ATP2C2: variants seen among roughly 807,000 people sequenced by gnomAD.
ATP2C2 encodes calcium-transporting ATPase type 2C member 2.
Under a neutral mutation model 110.8 loss-of-function variants are expected in ATP2C2, and 171 were observed. That is an observed-to-expected ratio of 1.54 (90% CI 1.36 to 1.75). The LOEUF (loss-of-function observed/expected upper bound fraction) is 1.75, where lower values mean the gene tolerates loss of function less well. Among genes scored for constraint, ATP2C2 ranks in the 40% most tolerant of loss-of-function variants. The pLI, the probability that ATP2C2 is intolerant of heterozygous loss-of-function variation, is 0.00. For synonymous variants in ATP2C2, 804 were observed against 508.4 expected, an observed-to-expected ratio of 1.58 and a Z score of -7.82; for missense variants, 1,963 against 1,235.0, an observed-to-expected ratio of 1.59 and a Z score of -8.84.
chr16:84,446,883 G>GT (rs915247809), intron 16 of ATP2C2, among the ~76,000 whole-genome samples: 2 of 152,110 alleles, frequency 1.3e-5, no homozygotes, highest in African/African-American at 4.8e-5. Flanking sequence ...CCTGTGCTAA[G>GT]TTTTTTATAC....
chr16:84,415,830 A>G (rs1906786874), intron 7 of ATP2C2, among the ~76,000 whole-genome samples: 1 of 152,144 alleles, frequency 6.6e-6, no homozygotes, highest in African/African-American at 2.4e-5. Flanking sequence ...TGGCTATACG[A>G]TTTTCCAGTT....
chr16:84,439,561 A>G (rs776585746), intron 13 of ATP2C2, 37 bp downstream of exon 13: 2 of 1,583,494 alleles, frequency 1.3e-6, no homozygotes, highest in South Asian at 1.1e-5. Flanking sequence ...TTAAGGATGC[A>G]CCCAGCCAGG....
At chr16:84,455,077 G>GGA (rs560430134) in intron 21 of ATP2C2, 93 bp downstream of exon 21, 2 of 1,493,156 alleles carry the variant, frequency 1.3e-6, no homozygotes, top group Non-Finnish European at 1.8e-6. Flanking sequence ...TAGAGGGGGG[G>GGA]GTCTCGCGGA....
At chr16:84,444,565 T>G (rs576933565) in intron 15 of ATP2C2, among the ~76,000 whole-genome samples, 2 of 152,314 alleles carry the variant, frequency 1.3e-5, no homozygotes, top group East Asian at 3.9e-4. Context: ...TGAATGGAGC[T>G]CATTTCCCGT....
chr16:84,436,077 T>A (rs1411428635), intron 11 of ATP2C2, among the ~76,000 whole-genome samples: 2 of 150,524 alleles, frequency 1.3e-5, no homozygotes, highest in Non-Finnish European at 3.0e-5. Context: ...TGCAGTGAGC[T>A]GAGACTGCAC....
At chr16:84,396,133 C>T (rs1444174200) in intron 1 of ATP2C2, among the ~76,000 whole-genome samples, 2 of 152,084 alleles carry the variant, frequency 1.3e-5, no homozygotes, top group Admixed American at 6.6e-5. Context: ...CATGTTGTAG[C>T]ATGTGTGGGT....
chr16:84,392,413 CTGCACT>C (rs1325074625), intron 1 of ATP2C2, among the ~76,000 whole-genome samples: 2 of 152,142 alleles, frequency 1.3e-5, no homozygotes, highest in African/African-American at 4.8e-5. Context: ...AGGTCCCAGC[CTGCACT>C]TGGCTGGGGT....
chr16:84,437,625 C>T lies in ATP2C2; in HGVS notation c.987-1541C>T, dbSNP rs552656606. On this transcript the variant is annotated intron_variant, in intron 11 of 26. Coordinates refer to ENST00000262429, the MANE Select transcript of ATP2C2 (RefSeq NM_014861.4). ...CCGCCTCTCAGGTTCAAGCAATTCT[C>T]CTGCCTCAGCCTCCTGAGTACCTGG... Among the ~76,000 whole-genome samples the T allele has an allele frequency of 3.3e-5, 5 of 152,152 alleles. No homozygotes were observed. The South Asian group carries it at 1.0e-3, about 32-fold the overall frequency.
At position 84,412,728 on chromosome 16, in the gene ATP2C2, C is replaced by G. The variant is rs971190575; in HGVS notation, c.515+1963C>G. Among the ~76,000 whole-genome samples, 7 of 152,114 alleles carry G rather than the reference C, an allele frequency of 4.6e-5. 1 individual carries two copies. Among genetic ancestry groups the G allele is most frequent in the African/African-American group, 1.7e-4 (7 of 41,412 alleles). On this transcript the variant is annotated intron_variant, in intron 6 of 26. Transcript: ENST00000262429. Reference sequence around the variant, plus strand: ...GGCCAAAGTCTTCTCCCCACCCCTGCTAACATTGGTTGAGGTCCTGTCAGG... The same window carrying G: ...GGCCAAAGTCTTCTCCCCACCCCTGGTAACATTGGTTGAGGTCCTGTCAGG...
intron 1 of ATP2C2, among the ~76,000 whole-genome samples, chr16:84,369,264 C>T (rs1178305033): frequency 1.3e-5 from 2 of 152,188 alleles, no homozygotes; most frequent in East Asian, 1.9e-4. Context: ...CAGGGACCCT[C>T]TGGGATAAAG....
chr16:84,425,739 C>T lies in ATP2C2; in HGVS notation c.924C>T (p.Leu308=), dbSNP rs754686410. ...LTLFSFGIIG[L]IMLIGWSQGK... Reference sequence around the variant, plus strand: ...ATGTTTTTGTCTCTTCCCCAGGTCTCATCATGCTCATTGGCTGGTCGCAAG... The same window carrying T: ...ATGTTTTTGTCTCTTCCCCAGGTCTTATCATGCTCATTGGCTGGTCGCAAG... Residue 308 remains leucine, a synonymous_variant, in exon 11 of 27, where the codon CTC becomes CTT. Coordinates refer to ENST00000262429, the MANE Select transcript of ATP2C2 (RefSeq NM_014861.4). 1 of 1,614,108 alleles carries T rather than the reference C, an allele frequency of 6.2e-7. No homozygotes were observed. Among genetic ancestry groups the T allele is most frequent in the South Asian group, 1.1e-5 (1 of 91,084 alleles).
chr16:84,396,060 C>G (rs772907358), intron 1 of ATP2C2, among the ~76,000 whole-genome samples: 2 of 152,058 alleles, frequency 1.3e-5, no homozygotes, highest in Non-Finnish European at 2.9e-5. Context: ...AACTGGAGTC[C>G]TATAGGATTT....
intron 18 of ATP2C2, among the ~76,000 whole-genome samples, chr16:84,452,766 T>G (rs372978130): frequency 1.3e-5 from 2 of 152,122 alleles, no homozygotes; most frequent in Non-Finnish European, 2.9e-5. Context: ...CACAAAGTGC[T>G]GGGATTACAG....
intron 1 of ATP2C2, among the ~76,000 whole-genome samples, chr16:84,387,017 T>C (rs550695440): frequency 3.9e-5 from 6 of 152,316 alleles, no homozygotes; most frequent in African/African-American, 1.4e-4. Flanking sequence ...TAAGCTTGAT[T>C]GTCGCCACTC....
chr16:84,442,056 T>C (rs571019326), intron 14 of ATP2C2, among the ~76,000 whole-genome samples: 1 of 152,108 alleles, frequency 6.6e-6, no homozygotes, highest in South Asian at 2.1e-4. Flanking sequence ...GGAATCCCAC[T>C]CTTTTTGCTT....
intron 20 of ATP2C2, among the ~76,000 whole-genome samples, chr16:84,453,625 C>T (rs1044857436): frequency 6.6e-6 from 1 of 152,112 alleles, no homozygotes; most frequent in Admixed American, 6.5e-5. Flanking sequence ...GCGCTGACAG[C>T]CCCTTGGCCA....
At chr16:84,376,375 G>A (rs1246096199) in intron 1 of ATP2C2, among the ~76,000 whole-genome samples, 1 of 152,208 alleles carries the variant, frequency 6.6e-6, no homozygotes, top group East Asian at 1.9e-4. Context: ...GTGTCCTGGT[G>A]AGTTCCACTT....
chr16:84,409,274 G>A (rs1420844137), intron 4 of ATP2C2, among the ~76,000 whole-genome samples: 1 of 152,156 alleles, frequency 6.6e-6, no homozygotes, highest in African/African-American at 2.4e-5. Context: ...ACAGGGTGGG[G>A]AACATCACAC....
chr16:84,389,958 A>G (rs1904553615), intron 1 of ATP2C2, among the ~76,000 whole-genome samples: 1 of 151,894 alleles, frequency 6.6e-6, no homozygotes, highest in South Asian at 2.1e-4. Context: ...CCTGACCTCT[A>G]ATGATCCACC....
Sources: gnomAD v4.1 joint callset for allele counts (sites outside exome capture counted in the v4.1 genomes callset) on GRCh38, gnomAD v4.1.1 for gene constraint, MANE v1.5 for transcripts, NCBI Gene and HGNC (gene_info 2026-07-23, HGNC 2026-07-21) for gene names.